ENTREP2: variants seen among roughly 807,000 people sequenced by gnomAD.
ENTREP2 encodes protein ENTREP2.
chr15:29,460,860 T>A, the ENTREP2 span, among the ~76,000 whole-genome samples: 2 of 152,016 alleles, frequency 1.3e-5, no homozygotes, highest in African/African-American at 4.8e-5. Context: ...AGTAAGCCAT[T>A]GGTGGTGTGA....
chr15:29,374,014 T>C, the ENTREP2 span: 3 of 152,050 alleles, frequency 2.0e-5, no homozygotes, highest in South Asian at 2.1e-4. Flanking sequence ...AACAGCAAAA[T>C]ATAATTGTCT....
At chr15:29,206,135 C>T in the ENTREP2 span, among the ~76,000 whole-genome samples, 3 of 152,280 alleles carry the variant, frequency 2.0e-5, no homozygotes, top group East Asian at 5.8e-4. Flanking sequence ...AAATTTATTT[C>T]TCAGAGTTCT....
chr15:29,343,624 C>T, the ENTREP2 span, among the ~76,000 whole-genome samples: 2 of 152,052 alleles, frequency 1.3e-5, no homozygotes, highest in South Asian at 2.1e-4. Context: ...CTCTTCCTCT[C>T]ATTGGTTCTG....
chr15:29,500,664 A>C, the ENTREP2 span, among the ~76,000 whole-genome samples: 4 of 151,984 alleles, frequency 2.6e-5, no homozygotes, highest in Admixed American at 1.3e-4. Flanking sequence ...AAAATAAAAA[A>C]CTCTCAAATC....
the ENTREP2 span, among the ~76,000 whole-genome samples, chr15:29,202,289 C>G: frequency 3.3e-5 from 5 of 152,026 alleles, no homozygotes; most frequent in African/African-American, 1.2e-4. Flanking sequence ...TTATGATTTC[C>G]TGACACCTAT....
At chr15:29,456,413 A>G in the ENTREP2 span, among the ~76,000 whole-genome samples, 1 of 152,202 alleles carries the variant, frequency 6.6e-6, no homozygotes, top group East Asian at 1.9e-4. Context: ...AACATGAATC[A>G]AGAGACAGAC....
chr15:29,390,149 C>CT, the ENTREP2 span, among the ~76,000 whole-genome samples: 6 of 152,318 alleles, frequency 3.9e-5, no homozygotes, highest in South Asian at 1.2e-3. Flanking sequence ...AGCCTCTGCT[C>CT]TGAAACCATC....
chr15:29,535,146 A>T, the ENTREP2 span, among the ~76,000 whole-genome samples: 46 of 152,140 alleles, frequency 3.0e-4, no homozygotes, highest in Non-Finnish European at 4.4e-4. Context: ...GCTGCTCAGG[A>T]GGCTGAGGCA....
chr15:29,214,814 C>T, the ENTREP2 span, among the ~76,000 whole-genome samples: 2 of 151,986 alleles, frequency 1.3e-5, no homozygotes, highest in Admixed American at 1.3e-4. Flanking sequence ...GTGCTTGATA[C>T]AATTTTAATT....
chr15:29,356,341 C>G, the ENTREP2 span, among the ~76,000 whole-genome samples: 1 of 112,560 alleles, frequency 8.9e-6, no homozygotes, highest in African/African-American at 3.4e-5. Context: ...GAGTCTCGCT[C>G]TGTCGCCCAG....
At chr15:29,139,820 C>T in the ENTREP2 span, among the ~76,000 whole-genome samples, 264 of 152,320 alleles carry the variant, frequency 1.7e-3, 1 homozygote, top group African/African-American at 5.9e-3. Flanking sequence ...TGGCGCTTGA[C>T]GTCTCCCCTC....
At chr15:29,345,153 A>C in the ENTREP2 span, among the ~76,000 whole-genome samples, 2 of 152,168 alleles carry the variant, frequency 1.3e-5, no homozygotes, top group Non-Finnish European at 2.9e-5. Flanking sequence ...GTAAGTGCTT[A>C]CTAAATGCTG....
At chr15:29,500,519 C>T in the ENTREP2 span, among the ~76,000 whole-genome samples, 1 of 151,936 alleles carries the variant, frequency 6.6e-6, no homozygotes, top group African/African-American at 2.4e-5. Context: ...TACAAGAGAA[C>T]TTAGAAAATA....
chr15:29,187,741 G>C, the ENTREP2 span, among the ~76,000 whole-genome samples: 3 of 152,318 alleles, frequency 2.0e-5, no homozygotes, highest in Admixed American at 6.5e-5. Flanking sequence ...AACAGTTACT[G>C]GGTATAATTT....
chr15:29,163,991 A>G, the ENTREP2 span, among the ~76,000 whole-genome samples: 21 of 152,228 alleles, frequency 1.4e-4, no homozygotes, highest in Non-Finnish European at 2.6e-4. Context: ...TACAAGCTAG[A>G]AGGGATTGGG....
At chr15:29,448,917 T>G in the ENTREP2 span, among the ~76,000 whole-genome samples, 1 of 151,932 alleles carries the variant, frequency 6.6e-6, no homozygotes, top group Non-Finnish European at 1.5e-5. Flanking sequence ...AGGAGCCTGA[T>G]TCCAAGAACA....
chr15:29,424,287 C>T, the ENTREP2 span, among the ~76,000 whole-genome samples: 3 of 152,114 alleles, frequency 2.0e-5, no homozygotes, highest in African/African-American at 7.2e-5. Flanking sequence ...CTTTTGTTCC[C>T]TTATTTGGCC....
the ENTREP2 span, among the ~76,000 whole-genome samples, chr15:29,673,764 C>G: frequency 6.6e-6 from 1 of 152,278 alleles, no homozygotes; most frequent in Non-Finnish European, 1.5e-5. Context: ...AAACAATAAA[C>G]CAAGTTCCTC....
chr15:29,294,610 T>C, the ENTREP2 span, among the ~76,000 whole-genome samples: 1 of 152,192 alleles, frequency 6.6e-6, no homozygotes, highest in Non-Finnish European at 1.5e-5. Flanking sequence ...ATTTGTTACC[T>C]GGGAAACCAA....
Sources: allele counts gnomAD v4.1 joint callset (sites outside exome capture counted in the v4.1 genomes callset), GRCh38; gene constraint gnomAD v4.1.1; transcripts MANE v1.5; gene names NCBI Gene and HGNC (gene_info 2026-07-23, HGNC 2026-07-21).